CCDC138: variants seen among roughly 807,000 people sequenced by gnomAD.
The protein encoded by CCDC138 is coiled-coil domain-containing protein 138.
Under a neutral mutation model 82.3 loss-of-function variants are expected in CCDC138, and 66 were observed. That is an observed-to-expected ratio of 0.80 (90% confidence interval 0.66 to 0.98). The LOEUF (loss-of-function observed/expected upper bound fraction) is 0.98. Among genes scored for constraint, CCDC138 ranks in the 50% least tolerant of loss-of-function variants. The pLI, the probability that CCDC138 is intolerant of heterozygous loss-of-function variation, is 0.00. For missense variants in CCDC138, 816 were observed against 758.9 expected (o/e 1.08, Z -0.88); for synonymous variants, 297 against 265.4 (o/e 1.12, Z -1.16).
In CCDC138 at chr2:108,815,989, T is replaced by A. The variant is rs1367729489; in HGVS notation, c.1090T>A (p.Trp364Arg). The change falls in exon 10 of 15, where the codon TGG becomes AGG. Residue 364 changes from tryptophan (W) to arginine (R), a missense_variant. Coordinates refer to ENST00000295124, the MANE Select transcript of CCDC138 (RefSeq NM_144978.3). The part of the protein sequence containing the change: ...VYELLTVFMD[W>R]ISDHHLSKVK... ...TGAACTTTTAACTGTCTTCATGGAC[T>A]GGATTTCGGATCATCATCTTAGCAA... 1 of 1,613,490 alleles carries A rather than the reference T, an allele frequency of 6.2e-7. No homozygotes were observed. The highest frequency in any genetic ancestry group is 1.7e-5 in the Admixed American group (1 of 59,972).
chr2:108,814,094 T>G (rs551323226), intron 9 of CCDC138, among the ~76,000 whole-genome samples: 3 of 152,346 alleles, frequency 2.0e-5, no homozygotes, highest in East Asian at 3.9e-4. Flanking sequence ...TCATTTCTTT[T>G]GGATATATAC....
Position 108,788,064 on chromosome 2 carries a change from T to C in CCDC138, c.126T>C (p.Tyr42=). The part of the protein sequence containing the change: ...YDFSNFYQSK[Y]KRRTLTSPGD... Reference sequence around the variant, plus strand: ...TTTCAAATTTTTATCAGTCTAAGTATAAGAGAAGAACTCTAACCTCCCCAG... The same window carrying C: ...TTTCAAATTTTTATCAGTCTAAGTACAAGAGAAGAACTCTAACCTCCCCAG... Residue 42 remains tyrosine (Y), a synonymous_variant, in exon 2 of 15, where the codon TAT becomes TAC. Transcript: ENST00000295124. 1 of 1,599,452 alleles carries C rather than the reference T, an allele frequency of 6.3e-7. No homozygotes were observed. The highest frequency in any genetic ancestry group is 2.2e-5 in the East Asian group (1 of 44,584).
At chr2:108,864,169 AAAAAC>A (rs1694055726) in intron 13 of CCDC138, among the ~76,000 whole-genome samples, 1 of 152,208 alleles carries the variant, frequency 6.6e-6, no homozygotes, top group African/African-American at 2.4e-5. Context: ...TTTGTGAAAA[AAAAAC>A]AAAACATTGC....
rs35206784 is a variant in CCDC138, at chr2:108,815,461, GTTTTTTTTTTTT to G, written c.1042-468_1042-457del. The stretch of plus-strand genomic sequence containing the variant: ...AATATTAGTTGGGGAGGTTTTTGGT[GTTTTTTTTTTTT>G]TTTTTTTTTTTGAGATGGAGTCTTG... On this transcript the variant is annotated intron_variant, in intron 9 of 14. Transcript: ENST00000295124. Among the ~76,000 whole-genome samples, 26 of 70,742 alleles carry G rather than the reference GTTTTTTTTTTTT, an allele frequency of 3.7e-4. 1 individual carries two copies. Among genetic ancestry groups the G allele is most frequent in the Middle Eastern group, 0.02 (1 of 50 alleles). 46.4% of individuals were successfully genotyped at this position (70,742 alleles called of 152,430 possible). A position where few individuals can be genotyped will look rare whatever the true frequency, so the allele number is the denominator to read the frequency against.
chr2:108,816,015 A>C lies in CCDC138; in HGVS notation c.1116A>C (p.Lys372Asn). Residue 372 changes from lysine to asparagine, a missense_variant, in exon 10 of 15, where the codon AAA becomes AAC. By Grantham distance (94) the Lys-to-Asn change is moderately conservative. Transcript: ENST00000295124. ...MDWISDHHLS[K>N]VKHEESGMDG... ...GGATTTCGGATCATCATCTTAGCAA[A>C]GTGAAACATGAAGAATCTGGAATGG... 6.2e-7 allele frequency: 1 copy of C among 1,613,872 alleles called. No individual in the cohort carries two copies. The highest frequency in any genetic ancestry group is 8.5e-7 in the Non-Finnish European group (1 of 1,179,836).
chr2:108,867,791 T>C (rs1694645344), intron 13 of CCDC138, among the ~76,000 whole-genome samples: 1 of 152,354 alleles, frequency 6.6e-6, no homozygotes, highest in South Asian at 2.1e-4. Flanking sequence ...TGGTATTGAA[T>C]GTTGCTGTGT....
chr2:108,871,370 TAAAAAAAAAAAA>T (rs59725353), intron 13 of CCDC138, among the ~76,000 whole-genome samples: 2 of 76,672 alleles, frequency 2.6e-5, no homozygotes, highest in Non-Finnish European at 5.0e-5. Flanking sequence ...CCAACTCTAT[TAAAAAAAAAAAA>T]AAAAAAAAAA....
At chr2:108,805,649 C>G (rs557246415) in intron 7 of CCDC138, among the ~76,000 whole-genome samples, 50 of 152,142 alleles carry the variant, frequency 3.3e-4, no homozygotes, top group Admixed American at 1.3e-3. Context: ...ATGTCGTGAA[C>G]CCAGGAGGCG....
In CCDC138 at chr2:108,841,443, G is replaced by A. The variant is rs1275864497; in HGVS notation, c.1323+2142G>A. 2.0e-5 allele frequency among the ~76,000 whole-genome samples: 3 copies of A among 151,790 alleles called. No homozygotes were observed. In the East Asian group the frequency reaches 5.8e-4, roughly 29 times the overall value. On this transcript the variant is annotated intron_variant, in intron 11 of 14. Transcript: ENST00000295124. Reference sequence around the variant, plus strand: ...TCACATATTTTGTAACTGTGTTCTTGTAAATTTATGATTATGTCTTGGTGG... The same window carrying A: ...TCACATATTTTGTAACTGTGTTCTTATAAATTTATGATTATGTCTTGGTGG...
chr2:108,853,900 TTA>T (rs1163208786), intron 12 of CCDC138, among the ~76,000 whole-genome samples: 1 of 119,056 alleles, frequency 8.4e-6, no homozygotes, highest in East Asian at 2.1e-4. Context: ...AGTATATATA[TTA>T]TATATTATAT....
intron 10 of CCDC138, among the ~76,000 whole-genome samples, chr2:108,824,884 C>T (rs893409107): frequency 1.3e-5 from 2 of 151,940 alleles, no homozygotes; most frequent in African/African-American, 4.8e-5. Context: ...TCTCATGGGA[C>T]CAGCATTGTT....
At chr2:108,880,147 T>C (rs974807692), downstream of CCDC138, among the ~76,000 whole-genome samples, 2 of 151,472 alleles carry the variant, frequency 1.3e-5, no homozygotes, top group Non-Finnish European at 2.9e-5. Flanking sequence ...AAGCTATTTC[T>C]TTGAAAAGAT....
In CCDC138 at chr2:108,856,888, A is replaced by G. The variant is rs938044647; in HGVS notation, c.1611A>G (p.Val537=). 1 of 1,613,206 alleles carries G rather than the reference A, an allele frequency of 6.2e-7. No individual in the cohort carries two copies. The highest frequency in any genetic ancestry group is 8.5e-7 in the Non-Finnish European group (1 of 1,179,470). ...TLFLEYQAVP[V]ILSHLRISSK... is the part of the protein sequence containing the mutation. The stretch of plus-strand genomic sequence containing the variant: ...TTTTGGAGTATCAGGCTGTTCCAGT[A>G]ATATTAAGTCATCTAAGAATATCCA... Residue 537 remains valine, a synonymous_variant, in exon 13 of 15, where the codon GTA becomes GTG. Coordinates refer to ENST00000295124, the MANE Select transcript of CCDC138 (RefSeq NM_144978.3).
chr2:108,789,862 T>C (rs1679606648), intron 3 of CCDC138, among the ~76,000 whole-genome samples: 1 of 152,148 alleles, frequency 6.6e-6, no homozygotes. Flanking sequence ...AGATCTAAGT[T>C]GGATATTATT....
chr2:108,809,559 A>G (rs1683448053), intron 7 of CCDC138, among the ~76,000 whole-genome samples: 1 of 151,548 alleles, frequency 6.6e-6, no homozygotes, highest in Non-Finnish European at 1.5e-5. Context: ...GGTTAAATTT[A>G]TTCCCAGCTA....
intron 12 of CCDC138, among the ~76,000 whole-genome samples, chr2:108,853,148 A>G (rs1453315890): frequency 2.6e-5 from 4 of 152,220 alleles, no homozygotes; most frequent in African/African-American, 4.8e-5. Flanking sequence ...TAGACCCACA[A>G]TCGGAATAGT....
intron 12 of CCDC138, among the ~76,000 whole-genome samples, chr2:108,854,376 G>A (rs991338564): frequency 2.0e-5 from 3 of 150,882 alleles, no homozygotes; most frequent in African/African-American, 7.3e-5. Flanking sequence ...TAGCTGTGTG[G>A]TATTTGGAAG....
intron 10 of CCDC138, among the ~76,000 whole-genome samples, chr2:108,818,275 C>G (rs1442562804): frequency 6.6e-6 from 1 of 152,050 alleles, no homozygotes; most frequent in Non-Finnish European, 1.5e-5. Context: ...CCACTGTACT[C>G]CAGCCTGGGC....
Position 108,788,861 on chromosome 2 carries a change from A to ATATCTACTCTGGAGATAAAGTTGGT in CCDC138, c.163_187dup (p.Ser63TyrfsTer6). The ATATCTACTCTGGAGATAAAGTTGGT allele has an allele frequency of 1.9e-6, 3 of 1,614,082 alleles. No individual in the cohort carries two copies. Among genetic ancestry groups the ATATCTACTCTGGAGATAAAGTTGGT allele is most frequent in the Non-Finnish European group, 2.5e-6 (3 of 1,179,968 alleles). ...TCTTTGTCGTTGACAGGTGATTTGG[A>ATATCTACTCTGGAGATAAAGTTGGT]TATCTACTCTGGAGATAAAGTTGGT... is the stretch of plus-strand genomic sequence containing the variant. On this transcript the variant is annotated frameshift_variant, in exon 3 of 15. Coordinates refer to ENST00000295124, the MANE Select transcript of CCDC138 (RefSeq NM_144978.3). LOFTEE classifies it high-confidence loss of function.
Sources: allele counts gnomAD v4.1 joint callset (sites outside exome capture counted in the v4.1 genomes callset), GRCh38; gene constraint gnomAD v4.1.1; transcripts MANE v1.5; gene names NCBI Gene and HGNC (gene_info 2026-07-23, HGNC 2026-07-21).